The following MGAT4C variants were observed in gnomAD, a reference collection of about 807,000 sequenced individuals.
MGAT4C encodes the protein MGAT4 family member C.
MGAT4C carries 19 observed loss-of-function variants against 40.1 expected under a neutral mutation model. That is an observed-to-expected ratio of 0.47 (90% CI 0.33 to 0.70). The LOEUF (loss-of-function observed/expected upper bound fraction) is 0.70. MGAT4C is among the 30% of genes least tolerant of loss of function. The probability of loss-of-function intolerance (pLI) is 0.02; values close to 1 mark genes in which losing one functional copy is unlikely to be tolerated. For missense variants in MGAT4C, 491 were observed against 563.2 expected, an observed-to-expected ratio of 0.87 and a Z score of 1.30; for synonymous variants, 181 against 187.1, an observed-to-expected ratio of 0.97 and a Z score of 0.27.
intron 4 of MGAT4C, among the ~76,000 whole-genome samples, chr12:85,981,971 CT>C (rs1884648796): frequency 6.6e-6 from 1 of 151,770 alleles, no homozygotes; most frequent in Non-Finnish European, 1.5e-5. Context: ...AGAAAGAAGC[CT>C]AAGAACAGTA....
At chr12:86,786,553 C>T (rs1372454940) in intron 1 of MGAT4C, among the ~76,000 whole-genome samples, 3 of 151,732 alleles carry the variant, frequency 2.0e-5, no homozygotes, top group Admixed American at 6.6e-5. Flanking sequence ...ATCCTAGGTT[C>T]GCTTTTAACT....
In MGAT4C at chr12:86,823,749, A is replaced by G. The variant is rs1952748926; in HGVS notation, c.-262+14917T>C. The stretch of plus-strand genomic sequence containing the variant: ...AAAAGAAACACAGAAAATAAAATAC[A>G]GGTGAAAGAAAGAAAACATTTTATC... On this transcript the variant is annotated intron_variant, in intron 1 of 7. Coordinates refer to the MGAT4C transcript ENST00000548651. Among the ~76,000 whole-genome samples, 7 of 151,606 alleles carry G rather than the reference A, an allele frequency of 4.6e-5. No individual in the cohort carries two copies. The South Asian group carries it at 1.5e-3, about 31-fold the overall frequency.
At chr12:86,389,649 C>T (rs1442611049) in intron 3 of MGAT4C, among the ~76,000 whole-genome samples, 2 of 152,116 alleles carry the variant, frequency 1.3e-5, no homozygotes, top group Non-Finnish European at 2.9e-5. Context: ...AACTAATTTA[C>T]CCTAACAGTG....
chr12:86,125,467 A>T (rs995201255), intron 1 of MGAT4C, among the ~76,000 whole-genome samples: 18 of 152,058 alleles, frequency 1.2e-4, no homozygotes, highest in African/African-American at 4.3e-4. Flanking sequence ...AACCATTCCC[A>T]TTTTTTCCCT....
intron 2 of MGAT4C, among the ~76,000 whole-genome samples, chr12:86,481,963 A>C (rs558174392): frequency 6.6e-6 from 1 of 151,760 alleles, no homozygotes; most frequent in South Asian, 2.1e-4. Context: ...AAACATATAT[A>C]TTATTTATTA....
intron 1 of MGAT4C, among the ~76,000 whole-genome samples, chr12:86,812,880 T>G (rs1026727322): frequency 6.6e-6 from 1 of 152,128 alleles, no homozygotes; most frequent in Non-Finnish European, 1.5e-5. Flanking sequence ...CACTAACTGA[T>G]GCCAGAATTT....
chr12:86,161,400 A>G (rs1427650921), intron 1 of MGAT4C, among the ~76,000 whole-genome samples: 3 of 152,166 alleles, frequency 2.0e-5, no homozygotes, highest in Non-Finnish European at 1.5e-5. Flanking sequence ...AAAAAAGGCA[A>G]TAAGAAAAGG....
intron 3 of MGAT4C, among the ~76,000 whole-genome samples, chr12:86,343,760 C>G (rs1408064730): frequency 1.3e-5 from 2 of 152,186 alleles, no homozygotes; most frequent in African/African-American, 4.8e-5. Flanking sequence ...TCTTCCCCAA[C>G]TACCCTCTTC....
chr12:86,728,125 A>G (rs1950853479), intron 1 of MGAT4C, among the ~76,000 whole-genome samples: 1 of 152,314 alleles, frequency 6.6e-6, no homozygotes, highest in Non-Finnish European at 1.5e-5. Flanking sequence ...GAGGAGTGAG[A>G]TGTGTTTACG....
At chr12:86,771,949 C>T (rs756864813) in intron 1 of MGAT4C, among the ~76,000 whole-genome samples, 3 of 151,894 alleles carry the variant, frequency 2.0e-5, no homozygotes, top group Admixed American at 6.6e-5. Context: ...TGATAGTATT[C>T]CTTCTCCTTG....
At position 85,970,919 on chromosome 12, in the gene MGAT4C, C is replaced by T. The variant is rs1017169357; in HGVS notation, c.*8370G>A. The stretch of plus-strand genomic sequence containing the variant: ...ACACATGAGTGGCTAAAATTGCAAA[C>T]TTAATCACATAAATAATGAGATTAA... On this transcript the variant is annotated 3_prime_UTR_variant, in exon 5 of 5. Coordinates refer to ENST00000611864, the MANE Select transcript of MGAT4C (RefSeq NM_001351288.2). The T allele has an allele frequency of 1.7e-4, 26 of 151,028 alleles. No individual in the cohort carries two copies. Among genetic ancestry groups the T allele is most frequent in the African/African-American group, 6.1e-4 (25 of 41,274 alleles). 9.4% of individuals were successfully genotyped at this position (151,028 alleles called of 1,614,324 possible).
Position 86,778,740 on chromosome 12 carries a change from T to G in MGAT4C, c.-261-51499A>C, listed in dbSNP as rs151120012. Among the ~76,000 whole-genome samples, 726 of 152,288 alleles carry G rather than the reference T, an allele frequency of 4.8e-3. 4 individuals are homozygous for G. The highest frequency in any genetic ancestry group is 0.017 in the African/African-American group (699 of 41,586). ...TCAAAACTTTTCAAATTCCCCTGCA[T>G]AGAATGCAGTGAATTCTATTACTTA... On this transcript the variant is annotated intron_variant, in intron 1 of 7. Coordinates refer to the MGAT4C transcript ENST00000548651.
intron 2 of MGAT4C, among the ~76,000 whole-genome samples, chr12:86,710,596 A>C (rs1950539589): frequency 6.6e-6 from 1 of 152,110 alleles, no homozygotes; most frequent in African/African-American, 2.4e-5. Context: ...GGAATGTGTA[A>C]ACTAATACAA....
intron 1 of MGAT4C, among the ~76,000 whole-genome samples, chr12:86,079,020 C>T (rs12301701): frequency 0.57 from 86,735 of 151,982 alleles, 25,594 homozygotes; most frequent in East Asian, 0.91. Context: ...TAGACCTAGA[C>T]GAGAACAGAG....
chr12:86,763,624 C>T (rs916990852), intron 1 of MGAT4C, among the ~76,000 whole-genome samples: 6 of 152,132 alleles, frequency 3.9e-5, no homozygotes, highest in Non-Finnish European at 7.4e-5. Context: ...AAACCAATTA[C>T]AATATTGCAC....
intron 1 of MGAT4C, among the ~76,000 whole-genome samples, chr12:86,771,661 T>C (rs1049883373): frequency 6.6e-6 from 1 of 151,342 alleles, no homozygotes; most frequent in African/African-American, 2.4e-5. Context: ...AACTTGTTTA[T>C]GTAAAAAAAA....
At chr12:86,468,817 C>A (rs986065281) in intron 2 of MGAT4C, among the ~76,000 whole-genome samples, 2 of 152,082 alleles carry the variant, frequency 1.3e-5, no homozygotes, top group Non-Finnish European at 2.9e-5. Context: ...TCACTAACTG[C>A]TTCAGGTCCC....
chr12:86,179,942 A>G (rs74984538), intron 1 of MGAT4C, among the ~76,000 whole-genome samples: 3,413 of 152,320 alleles, frequency 0.022, 128 homozygotes, highest in African/African-American at 0.078. Context: ...CCCCAACAGC[A>G]TGGGGAAAAT....
intron 1 of MGAT4C, among the ~76,000 whole-genome samples, chr12:86,137,749 T>G (rs1255152669): frequency 1.3e-5 from 2 of 152,166 alleles, no homozygotes; most frequent in Non-Finnish European, 2.9e-5. Context: ...CCTATGAAAC[T>G]TGCTTCTAAC....
Sources: gnomAD v4.1 joint callset for allele counts (sites outside exome capture counted in the v4.1 genomes callset) on GRCh38, gnomAD v4.1.1 for gene constraint, MANE v1.5 for transcripts, NCBI Gene and HGNC (gene_info 2026-07-23, HGNC 2026-07-21) for gene names.